The following UCK2 variants were observed in gnomAD, a reference collection of about 807,000 sequenced individuals.
UCK2 encodes the protein cytidine monophosphokinase 2.
A neutral mutation model predicts 30.8 loss-of-function variants in UCK2; 6 were observed. That is an observed-to-expected ratio of 0.19 (90% CI 0.11 to 0.38). UCK2 has a LOEUF of 0.38. UCK2 is among the 10% of genes least tolerant of loss of function. The probability of loss-of-function intolerance (pLI) is 1.00; values close to 1 mark genes in which losing one functional copy is unlikely to be tolerated. For missense variants in UCK2, 210 were observed against 339.8 expected (o/e 0.62, Z 3.00); for synonymous variants, 125 against 133.6 (o/e 0.94, Z 0.45).
chr1:165,907,308 G>T (rs557752158), intron 6 of UCK2, among the ~76,000 whole-genome samples: 1 of 152,140 alleles, frequency 6.6e-6, no homozygotes, highest in African/African-American at 2.4e-5. Context: ...AAACTGGAAG[G>T]TTCCCTGGTG....
intron 1 of UCK2, among the ~76,000 whole-genome samples, chr1:165,834,386 C>T (rs564410956): frequency 6.6e-6 from 1 of 152,216 alleles, no homozygotes; most frequent in South Asian, 2.1e-4. Context: ...ATTGCCTGAG[C>T]CTTGGGAGGT....
intron 1 of UCK2, among the ~76,000 whole-genome samples, chr1:165,830,850 A>G (rs1654030150): frequency 6.6e-6 from 1 of 152,160 alleles, no homozygotes. Flanking sequence ...CCTGGGCAAC[A>G]TAGTGAGACC....
At position 165,907,885 on chromosome 1, in the gene UCK2, G is replaced by A. The variant is rs751787216; in HGVS notation, c.*62G>A. 3.8e-6 allele frequency: 6 copies of A among 1,592,592 alleles called. No individual in the cohort carries two copies. The highest frequency in any genetic ancestry group is 5.1e-6 in the Non-Finnish European group (6 of 1,166,876). On this transcript the variant is annotated 3_prime_UTR_variant, in exon 7 of 7. Coordinates refer to ENST00000367879, the MANE Select transcript of UCK2 (RefSeq NM_012474.5). Reference sequence around the variant, plus strand: ...GACAGAGGAGGGGTCAGGAGGCACTGCTCATCTGTACATACTGTTTCCTAT... The same window carrying A: ...GACAGAGGAGGGGTCAGGAGGCACTACTCATCTGTACATACTGTTTCCTAT...
chr1:165,857,716 C>T (rs1041754435), intron 1 of UCK2, among the ~76,000 whole-genome samples: 42 of 152,304 alleles, frequency 2.8e-4, no homozygotes, highest in African/African-American at 4.8e-4. Flanking sequence ...GCCCTGTGTG[C>T]GAAGCGAAGC....
Position 165,907,858 on chromosome 1 carries a change from G to A in UCK2, c.*35G>A. The stretch of plus-strand genomic sequence containing the variant: ...ATCGGACCCCAGCCCCTATCTCCAA[G>A]AGACAGAGGAGGGGTCAGGAGGCAC... On this transcript the variant is annotated 3_prime_UTR_variant, in exon 7 of 7. Transcript: ENST00000367879. 1 of 1,610,074 alleles carries A rather than the reference G, an allele frequency of 6.2e-7. No individual in the cohort carries two copies. Among genetic ancestry groups the A allele is most frequent in the Non-Finnish European group, 8.5e-7 (1 of 1,177,642 alleles).
chr1:165,893,175 G>T (rs1215214240), intron 3 of UCK2, among the ~76,000 whole-genome samples: 1 of 152,192 alleles, frequency 6.6e-6, no homozygotes, highest in Non-Finnish European at 1.5e-5. Flanking sequence ...TGGTTGACAG[G>T]AGCCAGGGCC....
At chr1:165,894,199 A>G (rs1274574651) in intron 3 of UCK2, 3 of 152,248 alleles carry the variant, frequency 2.0e-5, no homozygotes, top group East Asian at 3.8e-4. Flanking sequence ...AGCATTTCAT[A>G]TAAGGGATAC....
intron 3 of UCK2, among the ~76,000 whole-genome samples, chr1:165,893,861 T>C (rs751272566): frequency 5.3e-5 from 8 of 152,216 alleles, no homozygotes; most frequent in Non-Finnish European, 1.2e-4. Context: ...GGCAGTTAAT[T>C]TTCTCCTTCC....
chr1:165,848,616 GA>G (rs1237864875), intron 1 of UCK2, among the ~76,000 whole-genome samples: 1 of 151,782 alleles, frequency 6.6e-6, no homozygotes, highest in South Asian at 2.1e-4. Flanking sequence ...CTGGATGACA[GA>G]GCAAGACTCT....
At chr1:165,882,291 G>C (rs759812362) in intron 1 of UCK2, among the ~76,000 whole-genome samples, 5 of 152,192 alleles carry the variant, frequency 3.3e-5, no homozygotes, top group Non-Finnish European at 7.3e-5. Flanking sequence ...AAGGCAGCCT[G>C]TTGGACCAGG....
intron 1 of UCK2, among the ~76,000 whole-genome samples, chr1:165,858,395 C>G (rs1278647338): frequency 6.6e-6 from 1 of 152,172 alleles, no homozygotes; most frequent in Admixed American, 6.5e-5. Flanking sequence ...CCTGGGTGTC[C>G]TGCAGAATGG....
At chr1:165,872,255 A>G (rs1167736777) in intron 1 of UCK2, among the ~76,000 whole-genome samples, 1 of 152,074 alleles carries the variant, frequency 6.6e-6, no homozygotes, top group Non-Finnish European at 1.5e-5. Context: ...TTGTATTTTT[A>G]GTAGAGACGG....
intron 3 of UCK2, among the ~76,000 whole-genome samples, chr1:165,894,990 G>A (rs2101883908): frequency 6.6e-6 from 1 of 152,296 alleles, no homozygotes; most frequent in South Asian, 2.1e-4. Context: ...CATATAAGGT[G>A]GGCATAGGAC....
At chr1:165,901,313 A>G (rs1291250144) in intron 4 of UCK2, among the ~76,000 whole-genome samples, 1 of 152,228 alleles carries the variant, frequency 6.6e-6, no homozygotes, top group East Asian at 1.9e-4. Flanking sequence ...GTCGAATGGC[A>G]GCATCATTAG....
chr1:165,879,515 A>G (rs1655425497), intron 1 of UCK2, among the ~76,000 whole-genome samples: 1 of 143,990 alleles, frequency 6.9e-6, no homozygotes, highest in Non-Finnish European at 1.5e-5. Flanking sequence ...TTAATAAAAG[A>G]AAATCATTAT....
At chr1:165,895,387 C>A in intron 3 of UCK2, 2 of 792,926 alleles carry the variant, frequency 2.5e-6, no homozygotes, top group Non-Finnish European at 3.1e-6. Context: ...TGCACTCCAG[C>A]CTCCTGGGTG....
intron 1 of UCK2, among the ~76,000 whole-genome samples, chr1:165,880,214 C>G (rs1645080345): frequency 6.6e-6 from 1 of 152,184 alleles, no homozygotes; most frequent in Non-Finnish European, 1.5e-5. Context: ...GGAAAGTCAG[C>G]TTTCGTTTTG....
chr1:165,850,047 G>A (rs1325289885), intron 1 of UCK2, among the ~76,000 whole-genome samples: 1 of 152,194 alleles, frequency 6.6e-6, no homozygotes, highest in Non-Finnish European at 1.5e-5. Flanking sequence ...AGATCGCTAC[G>A]TGTCCCAGAG....
intron 4 of UCK2, among the ~76,000 whole-genome samples, chr1:165,899,857 GCA>G (rs1223322879): frequency 1.3e-5 from 2 of 152,180 alleles, no homozygotes; most frequent in Non-Finnish European, 2.9e-5. Flanking sequence ...GCTCAGGGAG[GCA>G]CAGTCTGCCT....
Sources: allele counts gnomAD v4.1 joint callset (sites outside exome capture counted in the v4.1 genomes callset), GRCh38; gene constraint gnomAD v4.1.1; transcripts MANE v1.5; gene names NCBI Gene and HGNC (gene_info 2026-07-23, HGNC 2026-07-21).